C6: variants seen among roughly 807,000 people sequenced by gnomAD.
C6 encodes complement C6.
C6 carries 101 observed loss-of-function variants against 112.9 expected under a neutral mutation model. The observed-to-expected ratio is 0.89, with a 90% CI of 0.76 to 1.06. The LOEUF is 1.06. Ranked by LOEUF, C6 falls within the 50% of genes least tolerant of loss-of-function variation. The probability of loss-of-function intolerance (pLI) is 0.00; values close to 1 mark genes in which losing one functional copy is unlikely to be tolerated. For missense variants in C6, 1,202 were observed against 1,104.6 expected, an observed-to-expected ratio of 1.09 and a Z score of -1.25; for synonymous variants, 431 against 384.1, an observed-to-expected ratio of 1.12 and a Z score of -1.43.
intron 1 of C6, among the ~76,000 whole-genome samples, chr5:41,244,921 T>C (rs1740933363): frequency 6.6e-6 from 1 of 152,238 alleles, no homozygotes; most frequent in South Asian, 2.1e-4. Context: ...TGTATGGTCC[T>C]CATTTTTTCA....
intron 4 of C6, among the ~76,000 whole-genome samples, chr5:41,197,520 G>T (rs1214677163): frequency 6.6e-6 from 1 of 152,038 alleles, no homozygotes; most frequent in African/African-American, 2.4e-5. Context: ...TTTAAGCAAA[G>T]GTTTATTTTT....
At chr5:41,178,272 G>C (rs2150315399) in intron 7 of C6, among the ~76,000 whole-genome samples, 1 of 152,124 alleles carries the variant, frequency 6.6e-6, no homozygotes, top group Middle Eastern at 3.4e-3. Flanking sequence ...ACCTGACTGA[G>C]TTATCTGGTA....
intron 1 of C6, among the ~76,000 whole-genome samples, chr5:41,258,986 G>T (rs929540416): frequency 6.6e-6 from 1 of 152,146 alleles, no homozygotes; most frequent in Non-Finnish European, 1.5e-5. Context: ...GGTGAGATTT[G>T]GGTGGGGACA....
chr5:41,185,339 A>G (rs1463337782), intron 6 of C6, among the ~76,000 whole-genome samples: 1 of 152,228 alleles, frequency 6.6e-6, no homozygotes, highest in Non-Finnish European at 1.5e-5. Context: ...CTGAACTCAT[A>G]TTACCCATAA....
chr5:41,214,608 G>T (rs1400657572), upstream of C6, among the ~76,000 whole-genome samples: 1 of 152,164 alleles, frequency 6.6e-6, no homozygotes, highest in Non-Finnish European at 1.5e-5. Context: ...TTGGGGCTGG[G>T]ATAGCAGCTT....
chr5:41,251,741 A>G (rs1440516677), intron 1 of C6, among the ~76,000 whole-genome samples: 2 of 152,244 alleles, frequency 1.3e-5, no homozygotes, highest in Non-Finnish European at 1.5e-5. Context: ...GCTGCAATGT[A>G]GGACAGACTA....
Position 41,149,311 on chromosome 5 carries a change from T to A in C6, c.2553A>T (p.Arg851Ser). 3 of 1,614,044 alleles carry A rather than the reference T, an allele frequency of 1.9e-6. No individual in the cohort carries two copies. The highest frequency in any genetic ancestry group is 2.5e-6 in the Non-Finnish European group (3 of 1,179,924). The part of the protein sequence containing the change: ...RQLEWGLERT[R>S]LSSNSTKKES... ...CTTTCTTTGTGCTGTTGGATGAAAGTCTTGTCCTTTCAAGACCCCATTCTA... is the reference window on the plus strand; with the variant it reads ...CTTTCTTTGTGCTGTTGGATGAAAGACTTGTCCTTTCAAGACCCCATTCTA... The change falls in exon 17 of 18, where the codon AGA becomes AGT. Residue 851 changes from arginine (R) to serine (S), a missense_variant. Transcript: ENST00000337836.
chr5:41,195,784 T>C lies in C6; in HGVS notation c.587+8A>G, dbSNP rs958263218. ...TTCTCCCCAAGATGATAAAAAGATG[T>C]TACATACCCATTGCCCATCAACTGT... On this transcript the variant is annotated splice_region_variant and intron_variant, in intron 5 of 17. Coordinates refer to ENST00000337836, the MANE Select transcript of C6 (RefSeq NM_000065.5). The C allele has an allele frequency of 1.2e-6, 2 of 1,613,140 alleles. No individual in the cohort carries two copies. Among genetic ancestry groups the C allele is most frequent in the South Asian group, 1.1e-5 (1 of 91,086 alleles).
chr5:41,164,939 G>A (rs1274717426), intron 9 of C6, among the ~76,000 whole-genome samples: 10 of 152,114 alleles, frequency 6.6e-5, no homozygotes, highest in East Asian at 3.9e-4. Flanking sequence ...CACTGCCCAC[G>A]CCTGGAAATA....
intron 1 of C6, among the ~76,000 whole-genome samples, chr5:41,219,351 G>A (rs1365269489): frequency 6.6e-6 from 1 of 152,162 alleles, no homozygotes; most frequent in East Asian, 1.9e-4. Flanking sequence ...TGGGGAGACT[G>A]AGAAAGAAAG....
intron 1 of C6, among the ~76,000 whole-genome samples, chr5:41,246,561 A>G (rs1337085809): frequency 1.3e-5 from 2 of 152,250 alleles, no homozygotes; most frequent in Non-Finnish European, 2.9e-5. Context: ...GCGTGACAGC[A>G]CAGTCATAGG....
At chr5:41,219,006 T>C (rs1739004837) in intron 1 of C6, among the ~76,000 whole-genome samples, 1 of 152,208 alleles carries the variant, frequency 6.6e-6, no homozygotes, top group African/African-American at 2.4e-5. Context: ...AACTAGGATG[T>C]ATTTTATGAT....
intron 8 of C6, among the ~76,000 whole-genome samples, chr5:41,175,662 T>A (rs923322102): frequency 7.2e-5 from 11 of 152,222 alleles, no homozygotes; most frequent in African/African-American, 2.7e-4. Context: ...ACTCATCAAG[T>A]GGGAAATTAT....
rs963371345 is a variant in C6, at chr5:41,186,126, T to C, written c.670A>G (p.Ser224Gly). 1.2e-6 allele frequency: 2 copies of C among 1,613,910 alleles called. No homozygotes were observed. Among genetic ancestry groups the C allele is most frequent in the Non-Finnish European group, 1.7e-6 (2 of 1,179,948 alleles). ...ACACGGTATGGATTACTTGTCCTAC[T>C]GCTTTTGACAGTTTTACATATTCCT... ...TGGICKTVKS[S>G]RTSNPYRVPA... The change falls in exon 6 of 18, where the codon AGT becomes GGT. Residue 224 changes from serine to glycine, a missense_variant. Coordinates refer to ENST00000337836, the MANE Select transcript of C6 (RefSeq NM_000065.5).
rs561121407 is a variant in C6, at chr5:41,173,418, G to T, written c.1169-1071C>A. ...TGTAGTATTTTTGTAGGCTGAGTTA[G>T]TACTATCTGGGGTAATTGAGGGAAA... On this transcript the variant is annotated intron_variant, in intron 8 of 17. Coordinates refer to ENST00000337836, the MANE Select transcript of C6 (RefSeq NM_000065.5). Among the ~76,000 whole-genome samples, 8 of 152,280 alleles carry T rather than the reference G, an allele frequency of 5.3e-5. No homozygotes were observed. The East Asian group carries it at 1.5e-3, about 29-fold the overall frequency.
At chr5:41,252,641 G>T (rs910338553) in intron 1 of C6, among the ~76,000 whole-genome samples, 2 of 152,180 alleles carry the variant, frequency 1.3e-5, no homozygotes, top group Non-Finnish European at 2.9e-5. Context: ...ACCTTCTGTA[G>T]AGAGTCTCCT....
Position 41,142,522 on chromosome 5 carries a change from C to G in C6, c.*303G>C. 2.8e-6 allele frequency: 1 copy of G among 361,232 alleles called. No individual in the cohort carries two copies. Among genetic ancestry groups the G allele is most frequent in the Non-Finnish European group, 5.2e-6 (1 of 193,684 alleles). 22.4% of individuals were successfully genotyped at this position (361,232 alleles called of 1,614,324 possible). On this transcript the variant is annotated 3_prime_UTR_variant, in exon 18 of 18. Transcript: ENST00000337836. Reference sequence around the variant, plus strand: ...CTAATTGCGAGAATGCTTAATGTCACAGGCTACATAAGGGCCTCAGAAGTC... The same window carrying G: ...CTAATTGCGAGAATGCTTAATGTCAGAGGCTACATAAGGGCCTCAGAAGTC...
At chr5:41,228,010 C>T (rs1739631287) in intron 1 of C6, among the ~76,000 whole-genome samples, 1 of 152,042 alleles carries the variant, frequency 6.6e-6, no homozygotes, top group Non-Finnish European at 1.5e-5. Flanking sequence ...TGAAGAATGC[C>T]ATTATGATTT....
In C6 at chr5:41,151,142, T is replaced by C. The variant is rs960879913; in HGVS notation, c.2291-1117A>G. ...TCGATTTTGAAAAAAAGAAATTAATTATGGCTTCTGTGCAGAGAATGGATT... is the reference window on the plus strand; with the variant it reads ...TCGATTTTGAAAAAAAGAAATTAATCATGGCTTCTGTGCAGAGAATGGATT... On this transcript the variant is annotated intron_variant, in intron 15 of 17. Transcript: ENST00000337836. Among the ~76,000 whole-genome samples the C allele has an allele frequency of 4.6e-5, 7 of 152,198 alleles. No homozygotes were observed. The South Asian group carries it at 6.2e-4, about 14-fold the overall frequency.
Sources: gnomAD v4.1 joint callset for allele counts (sites outside exome capture counted in the v4.1 genomes callset) on GRCh38, gnomAD v4.1.1 for gene constraint, MANE v1.5 for transcripts, NCBI Gene and HGNC (gene_info 2026-07-23, HGNC 2026-07-21) for gene names.